The following FCGR2A variants were observed in gnomAD, a reference collection of about 807,000 sequenced individuals.
FCGR2A encodes Fc gamma receptor IIa, also known as low affinity immunoglobulin gamma Fc region receptor II-a.
Under a neutral mutation model 29.3 loss-of-function variants are expected in FCGR2A, and 18 were observed. The observed-to-expected ratio is 0.62, with a 90% CI of 0.43 to 0.91. The LOEUF is 0.91. Among genes scored for constraint, FCGR2A ranks in the 40% least tolerant of loss-of-function variants. FCGR2A has a pLI of 0.00. For missense variants in FCGR2A, 287 were observed against 393.0 expected (o/e 0.73, Z 2.28); for synonymous variants, 126 against 144.8 (o/e 0.87, Z 0.93).
downstream of FCGR2A, among the ~76,000 whole-genome samples, chr1:161,522,408 G>A (rs1470352794): frequency 2.0e-5 from 3 of 152,094 alleles, no homozygotes; most frequent in African/African-American, 4.8e-5. Flanking sequence ...CATAGGCTGC[G>A]TTAGGGCTAT....
intron 6 of FCGR2A, among the ~76,000 whole-genome samples, chr1:161,514,361 T>C (rs1237213292): frequency 6.7e-6 from 1 of 150,220 alleles, no homozygotes; most frequent in Admixed American, 6.7e-5. Context: ...TGACTTTCTG[T>C]CATTAAAACA....
chr1:161,521,630 T>C (rs1012822878), downstream of FCGR2A, among the ~76,000 whole-genome samples: 1 of 152,060 alleles, frequency 6.6e-6, no homozygotes, highest in Non-Finnish European at 1.5e-5. Flanking sequence ...GGTAACTGAA[T>C]CATGGGGCAG....
chr1:161,511,882 T>G (rs558373985), intron 5 of FCGR2A, among the ~76,000 whole-genome samples: 11 of 152,254 alleles, frequency 7.2e-5, no homozygotes, highest in South Asian at 2.1e-4. Context: ...CGGCTGGACC[T>G]GAGCCAGCGA....
rs2102490934 is a variant in FCGR2A at position 161,518,492 on chromosome 1, G to A, written c.*344G>A. The A allele has an allele frequency of 3.1e-6, 1 of 319,858 alleles. No homozygotes were observed. Among genetic ancestry groups the A allele is most frequent in the East Asian group, 7.0e-5 (1 of 14,280 alleles). The allele number at this position is 319,858 out of a possible 1,614,324, so 19.8% of individuals were successfully genotyped here. A position where few individuals can be genotyped will look rare whatever the true frequency, so the allele number is the denominator to read the frequency against. ...ATACCTACCCCCAAAAAACAATTAT[G>A]TAATTGAAAACCAACCGATTGCCTT... On this transcript the variant is annotated 3_prime_UTR_variant, in exon 7 of 7. Coordinates refer to ENST00000271450, the MANE Select transcript of FCGR2A (RefSeq NM_001136219.3).
intron 5 of FCGR2A, among the ~76,000 whole-genome samples, 200 bp from the exon 6 acceptor site, chr1:161,513,695 T>C (rs1267363566): frequency 2.0e-5 from 3 of 152,044 alleles, no homozygotes; most frequent in Non-Finnish European, 4.4e-5. Context: ...GTGTGGCCCA[T>C]GGGGAAGGCT....
downstream of FCGR2A, among the ~76,000 whole-genome samples, chr1:161,522,315 T>C (rs1224687384): frequency 1.3e-5 from 2 of 152,098 alleles, no homozygotes; most frequent in African/African-American, 4.8e-5. Context: ...TCCCCTATGC[T>C]ATGTTTGAAC....
At chr1:161,511,689 T>C (rs188574108) in intron 5 of FCGR2A, among the ~76,000 whole-genome samples, 2,868 of 152,264 alleles carry the variant, frequency 0.019, 80 homozygotes, top group East Asian at 0.094. Flanking sequence ...TCCCATCCAA[T>C]CCTGGCCCTG....
At chr1:161,514,796 A>G (rs1203708508) in intron 6 of FCGR2A, 1 of 151,560 alleles carries the variant, frequency 6.6e-6, no homozygotes, top group South Asian at 2.1e-4. Context: ...ATTGGGATCC[A>G]GAGGTCAAAT....
intron 2 of FCGR2A, 106 bp from the exon 3 acceptor site, chr1:161,506,228 T>C (rs567016590): frequency 6.9e-7 from 1 of 1,459,402 alleles, no homozygotes; most frequent in South Asian, 1.2e-5. Context: ...TTGAACTACA[T>C]CTACAATAGG....
At chr1:161,509,087 G>A (rs1409131553) in intron 3 of FCGR2A, among the ~76,000 whole-genome samples, 3 of 152,192 alleles carry the variant, frequency 2.0e-5, no homozygotes, top group Non-Finnish European at 4.4e-5. Context: ...TGAGGGCAGA[G>A]CCCTTATAAA....
chr1:161,505,789 A>C, intron 1 of FCGR2A, 198 bp from the exon 2 acceptor site: 1 of 719,208 alleles, frequency 1.4e-6, no homozygotes, highest in Admixed American at 2.0e-5. Context: ...CTTTGTAGTC[A>C]TGAGGAGGAA....
At chr1:161,522,267 C>A (rs1278330407), downstream of FCGR2A, among the ~76,000 whole-genome samples, 1 of 151,998 alleles carries the variant, frequency 6.6e-6, no homozygotes, top group Non-Finnish European at 1.5e-5. Flanking sequence ...TTAGAAAAAA[C>A]AAACAAACAA....
chr1:161,508,135 A>G lies in FCGR2A; in HGVS notation c.364+1544A>G, dbSNP rs1675538270. On this transcript the variant is annotated intron_variant, in intron 3 of 6. Transcript: ENST00000271450. The stretch of plus-strand genomic sequence containing the variant: ...AAATTGAGATCTGAAGCATTGTTAG[A>G]GAGAAACTACCTAGTCCCACCTATC... Among the ~76,000 whole-genome samples, 3 of 149,904 alleles carry G rather than the reference A, an allele frequency of 2.0e-5. No homozygotes were observed. In the South Asian group the frequency reaches 6.4e-4, roughly 32 times the overall value.
In FCGR2A at chr1:161,510,064, C is replaced by T. The variant is rs138950286; in HGVS notation, c.609C>T (p.Ile203=). The change falls in exon 4 of 7, where the codon ATC becomes ATT. Residue 203 remains isoleucine (I), a synonymous_variant. Coordinates refer to ENST00000271450, the MANE Select transcript of FCGR2A (RefSeq NM_001136219.3). ...YTLFSSKPVT[I]TVQVPSMGSS... ...TGTTCTCATCCAAGCCTGTGACCAT[C>T]ACTGTCCAAGGTATGGGGAGTCTGC... 1.1e-4 allele frequency: 174 copies of T among 1,613,904 alleles called. No individual in the cohort carries two copies. The Middle Eastern group carries it at 3.3e-3, about 31-fold the overall frequency.
At position 161,518,169 on chromosome 1, in the gene FCGR2A, G is replaced by T; in HGVS notation, c.*21G>T. 6.2e-7 allele frequency: 1 copy of T among 1,607,396 alleles called. No individual in the cohort carries two copies. The highest frequency in any genetic ancestry group is 1.1e-5 in the South Asian group (1 of 90,016). ...ACTAAAGAGTAACGTTATGCCATGT[G>T]GTCATACTCTCAGCTTGCTGAGTGG... On this transcript the variant is annotated 3_prime_UTR_variant, in exon 7 of 7. Transcript: ENST00000271450.
At chr1:161,520,146 A>G (rs906650470), downstream of FCGR2A, among the ~76,000 whole-genome samples, 2 of 152,054 alleles carry the variant, frequency 1.3e-5, no homozygotes, top group Non-Finnish European at 2.9e-5. Context: ...AACTCTATGT[A>G]TTAGTCTGTC....
rs755206987 is a variant in FCGR2A, at chr1:161,506,436, G to C, written c.209G>C (p.Ser70Thr). Residue 70 changes from serine to threonine, a missense_variant, in exon 3 of 7, where the codon AGC (serine) becomes ACC (threonine). This residue lies in a region of FCGR2A where 181 missense variants were observed against 250.9 expected (regional missense o/e 0.72). Coordinates refer to ENST00000271450, the MANE Select transcript of FCGR2A (RefSeq NM_001136219.3). ...TGCCAGGGGGCTCGCAGCCCTGAGA[G>C]CGACTCCATTCAGTGGTTCCACAAT... ...LTCQGARSPE[S>T]DSIQWFHNGN... The C allele has an allele frequency of 3.1e-6, 5 of 1,614,240 alleles. No individual in the cohort carries two copies. In the Admixed American group the frequency reaches 8.3e-5, roughly 27 times the overall value.
At chr1:161,521,503 A>T (rs1432893478), downstream of FCGR2A, among the ~76,000 whole-genome samples, 1 of 151,350 alleles carries the variant, frequency 6.6e-6, no homozygotes, top group Non-Finnish European at 1.5e-5. Context: ...ACTGACTTTT[A>T]TATATATATA....
chr1:161,510,800 C>G, intron 4 of FCGR2A, 34 bp from the exon 5 acceptor site: 2 of 1,612,404 alleles, frequency 1.2e-6, no homozygotes, highest in Admixed American at 3.3e-5. Context: ...AAAATAGTAA[C>G]CCCCCATCCT....
Sources: gnomAD v4.1 joint callset for allele counts (sites outside exome capture counted in the v4.1 genomes callset) on GRCh38, gnomAD v4.1.1 for gene constraint, gnomAD v4.1.1 regional missense constraint, MANE v1.5 for transcripts, NCBI Gene and HGNC (gene_info 2026-07-23, HGNC 2026-07-21) for gene names.